USP6: variants seen among roughly 807,000 people sequenced by gnomAD.
The protein encoded by USP6 is ubiquitin carboxyl-terminal hydrolase 6.
USP6 carries 128 observed loss-of-function variants against 175.7 expected under a neutral mutation model. The ratio of observed to expected loss-of-function variants is 0.73; its 90% confidence interval spans 0.63 to 0.84. USP6 has a LOEUF of 0.84. USP6 is among the 40% of genes least tolerant of loss of function. USP6 has a pLI of 0.00. For synonymous variants in USP6, 562 were observed against 630.6 expected, an observed-to-expected ratio of 0.89 and a Z score of 1.63; for missense variants, 1,498 against 1,760.3, an observed-to-expected ratio of 0.85 and a Z score of 2.67.
At chr17:5,138,411 A>T in intron 21 of USP6, 138 bp downstream of exon 21, 2 of 1,491,082 alleles carry the variant, frequency 1.3e-6, no homozygotes, top group South Asian at 1.3e-5. Flanking sequence ...GGACTCTAAG[A>T]AAGTACAGGA....
Position 5,148,559 on chromosome 17 carries a change from T to C in USP6, c.2435T>C (p.Phe812Ser). 1 of 1,613,968 alleles carries C rather than the reference T, an allele frequency of 6.2e-7. No individual in the cohort carries two copies. The highest frequency in any genetic ancestry group is 8.5e-7 in the Non-Finnish European group (1 of 1,179,856). ...ISASSPTQID[F>S]SSSPSTNGMF... ...GTACTTATCTTTGAATTTGTAGATTTCTCCTCTTCACCATCTACAAATGGA... is the reference window on the plus strand; with the variant it reads ...GTACTTATCTTTGAATTTGTAGATTCCTCCTCTTCACCATCTACAAATGGA... The change falls in exon 30 of 38, where the codon TTC (phenylalanine) becomes TCC (serine). Residue 812 changes from phenylalanine to serine, a missense_variant. Coordinates refer to ENST00000574788, the MANE Select transcript of USP6 (RefSeq NM_001304284.2).
intron 31 of USP6, among the ~76,000 whole-genome samples, chr17:5,158,983 A>G (rs1156846888): frequency 1.3e-5 from 2 of 152,086 alleles, no homozygotes; most frequent in Non-Finnish European, 2.9e-5. Flanking sequence ...GGAGTTGATG[A>G]TTTTTATAGT....
intron 4 of USP6, 61 bp from the exon 5 acceptor site, chr17:5,124,505 C>T (rs1371155907): frequency 6.6e-6 from 1 of 152,302 alleles, no homozygotes; most frequent in Non-Finnish European, 1.5e-5. Flanking sequence ...ACACATTTAT[C>T]TACCAACATT....
At chr17:5,151,964 T>C (rs902636363) in intron 30 of USP6, among the ~76,000 whole-genome samples, 1 of 152,110 alleles carries the variant, frequency 6.6e-6, no homozygotes, top group Non-Finnish European at 1.5e-5. Flanking sequence ...CTTGGCTGGG[T>C]GCGGTGGCTC....
At position 5,137,139 on chromosome 17, in the gene USP6, G is replaced by C. The variant is rs750295681; in HGVS notation, c.778G>C (p.Gly260Arg). The C allele has an allele frequency of 6.2e-6, 10 of 1,613,314 alleles. No individual in the cohort carries two copies. Among genetic ancestry groups the C allele is most frequent in the Admixed American group, 1.7e-5 (1 of 59,972 alleles). ...MWHQDKEGLC[G>R]QCASLGCLLR... ...CCATCAGGACAAGGAAGGTCTATGC[G>C]GGCAGTGTGCCTCGTTAGGCTGCCT... Residue 260 changes from glycine (G) to arginine (R), a missense_variant, in exon 19 of 38, where the codon GGG becomes CGG. Coordinates refer to ENST00000574788, the MANE Select transcript of USP6 (RefSeq NM_001304284.2).
rs762975171 is a variant in USP6, at chr17:5,170,466, G to C, written c.3518-13G>C. On this transcript the variant is annotated splice_polypyrimidine_tract_variant and intron_variant, in intron 35 of 37. Transcript: ENST00000574788. ...TTTGGATTTGTGAATCTTTTCTTCT[G>C]TCCTGTTCACAGGTTCTCCTTCTTC... 10 of 1,591,844 alleles carry C rather than the reference G, an allele frequency of 6.3e-6. No homozygotes were observed. The highest frequency in any genetic ancestry group is 8.6e-6 in the Non-Finnish European group (10 of 1,168,306).
intron 34 of USP6, among the ~76,000 whole-genome samples, chr17:5,168,332 TAGA>T (rs1379245661): frequency 7.8e-6 from 1 of 127,582 alleles, no homozygotes; most frequent in African/African-American, 2.5e-5. Context: ...GCTCATAACC[TAGA>T]AGAAGAGATC....
chr17:5,140,775 C>T (rs1182120916), intron 22 of USP6, among the ~76,000 whole-genome samples: 2 of 152,152 alleles, frequency 1.3e-5, no homozygotes, highest in Non-Finnish European at 2.9e-5. Context: ...TAAACACACA[C>T]CTGGGCTGAA....
At chr17:5,123,870 C>T (rs553413502) in intron 4 of USP6, among the ~76,000 whole-genome samples, 2 of 151,688 alleles carry the variant, frequency 1.3e-5, no homozygotes, top group Admixed American at 6.5e-5. Flanking sequence ...ACCGTACACC[C>T]CCTAATGCAT....
chr17:5,150,241 G>A (rs1051791659), intron 30 of USP6, among the ~76,000 whole-genome samples: 2 of 151,442 alleles, frequency 1.3e-5, no homozygotes, highest in African/African-American at 2.4e-5. Flanking sequence ...GCTGTGAGCT[G>A]AGATTGTGCC....
intron 33 of USP6, among the ~76,000 whole-genome samples, chr17:5,167,390 A>G (rs924114274): frequency 7.9e-5 from 12 of 152,258 alleles, no homozygotes; most frequent in African/African-American, 2.9e-4. Context: ...GAAGCATTCA[A>G]AAATCTTTCA....
At chr17:5,131,637 C>T (rs1231687039) in intron 11 of USP6, among the ~76,000 whole-genome samples, 1 of 150,874 alleles carries the variant, frequency 6.6e-6, no homozygotes, top group Non-Finnish European at 1.5e-5. Flanking sequence ...AGAAGATGGG[C>T]AGGGCCCCAT....
At chr17:5,148,289 A>G (rs1278773061) in intron 29 of USP6, among the ~76,000 whole-genome samples, 1 of 152,236 alleles carries the variant, frequency 6.6e-6, no homozygotes, top group East Asian at 1.9e-4. Flanking sequence ...GTGTGCTACA[A>G]CATGGTGCTG....
intron 16 of USP6, 110 bp from the exon 17 acceptor site, chr17:5,135,698 T>A: frequency 6.3e-7 from 1 of 1,592,488 alleles, no homozygotes; most frequent in South Asian, 1.1e-5. Flanking sequence ...AGCCTCTTCT[T>A]CAGAGGAAGC....
intron 22 of USP6, 91 bp downstream of exon 22, chr17:5,139,765 C>G: frequency 1.3e-6 from 2 of 1,596,244 alleles, no homozygotes; most frequent in Non-Finnish European, 1.7e-6. Flanking sequence ...ACCGGGATAC[C>G]TCCTTTGCAG....
At position 5,170,378 on chromosome 17, in the gene USP6, T is replaced by G. The variant is rs1402606042; in HGVS notation, c.3518-101T>G. On this transcript the variant is annotated intron_variant, in intron 35 of 37. Transcript: ENST00000574788. ...AGTCATGACTCCCCTGTCTTTACCT[T>G]TGTGTGTACAGTTGCAAAGCTAACC... The G allele has an allele frequency of 4.0e-6, 6 of 1,503,574 alleles. No individual in the cohort carries two copies. In the Middle Eastern group the frequency reaches 7.5e-4, roughly 187 times the overall value. The allele number at this position is 1,503,574 out of a possible 1,614,324, so 93.1% of individuals were successfully genotyped here.
In USP6 at chr17:5,155,579, A is replaced by G. The variant is rs202162295; in HGVS notation, c.2801A>G (p.Gln934Arg). 2 of 1,614,106 alleles carry G rather than the reference A, an allele frequency of 1.2e-6. No homozygotes were observed. The highest frequency in any genetic ancestry group is 8.5e-7 in the Non-Finnish European group (1 of 1,179,994). ...TGGTTAGCAAGACCACTCCCACCTC[A>G]GGAAGCTAGTATTCATGCCCAGGAT... is the stretch of plus-strand genomic sequence containing the variant. ...VSWLARPLPP[Q>R]EASIHAQDRD... Residue 934 changes from glutamine to arginine, a missense_variant, in exon 31 of 38, where the codon CAG becomes CGG. By Grantham distance (43) the Gln-to-Arg change is conservative. Around this residue, in one of 2 missense-constraint regions of USP6, gnomAD observed 1,217 missense variants for 1,500.8 expected, o/e 0.81. Transcript: ENST00000574788.
At chr17:5,138,893 C>A in intron 21 of USP6, 1 of 905,756 alleles carries the variant, frequency 1.1e-6, no homozygotes, top group Admixed American at 2.4e-5. Flanking sequence ...GGAGACAGGT[C>A]CCCATGTGAG....
intron 1 of USP6, among the ~76,000 whole-genome samples, chr17:5,117,045 C>T (rs1228753750): frequency 1.3e-5 from 2 of 152,180 alleles, no homozygotes; most frequent in East Asian, 1.9e-4. Context: ...AAAGCCTTCC[C>T]CAGCTAGGTG....
Sources: allele counts gnomAD v4.1 joint callset (sites outside exome capture counted in the v4.1 genomes callset), GRCh38; gene constraint gnomAD v4.1.1; regional missense constraint gnomAD v4.1.1; transcripts MANE v1.5; gene names NCBI Gene and HGNC (gene_info 2026-07-23, HGNC 2026-07-21).